Variants in WDHD1 observed in about 807,000 individuals in gnomAD.
WDHD1 encodes WD repeat and HMG-box DNA-binding protein 1.
A neutral mutation model predicts 135.4 loss-of-function variants in WDHD1; 111 were observed. That is an observed-to-expected ratio of 0.82 (90% CI 0.70 to 0.96). The LOEUF (loss-of-function observed/expected upper bound fraction) is 0.96, where lower values mean the gene tolerates loss of function less well. WDHD1 is among the 40% of genes least tolerant of loss of function. WDHD1 has a pLI of 0.00. For synonymous variants in WDHD1, 434 were observed against 439.0 expected, an observed-to-expected ratio of 0.99 and a Z score of 0.14; for missense variants, 1,351 against 1,336.3, an observed-to-expected ratio of 1.01 and a Z score of -0.17.
intron 24 of WDHD1, among the ~76,000 whole-genome samples, chr14:54,949,726 GA>G (rs2041008040): frequency 6.6e-6 from 1 of 152,004 alleles, no homozygotes; most frequent in Non-Finnish European, 1.5e-5. Flanking sequence ...TGAAATGAAA[GA>G]AAAAATGTTC....
At chr14:54,976,262 T>C (rs1346743576) in intron 16 of WDHD1, among the ~76,000 whole-genome samples, 1 of 152,084 alleles carries the variant, frequency 6.6e-6, no homozygotes, top group Non-Finnish European at 1.5e-5. Context: ...AGAGACAAAG[T>C]CTCCTTCTGT....
chr14:54,947,940 G>C (rs1167076775), intron 24 of WDHD1, among the ~76,000 whole-genome samples: 5 of 151,744 alleles, frequency 3.3e-5, no homozygotes, highest in Non-Finnish European at 7.4e-5. Flanking sequence ...ATAAGGCCAG[G>C]AGTGGTGGCT....
At chr14:54,950,525 CTT>C (rs1249418921) in intron 24 of WDHD1, among the ~76,000 whole-genome samples, 3 of 152,102 alleles carry the variant, frequency 2.0e-5, no homozygotes, top group African/African-American at 7.2e-5. Flanking sequence ...TACAAAGAGA[CTT>C]AGACTCCCAC....
rs996885502 is a variant in WDHD1, at chr14:54,939,563, T to C, written c.*1927A>G. ...TAATTTATTTCCATTTTCACTTTCA[T>C]ACTATTCAGTCCCAATTCTCTGGAA... On this transcript the variant is annotated 3_prime_UTR_variant, in exon 26 of 26. Coordinates refer to ENST00000360586, the MANE Select transcript of WDHD1 (RefSeq NM_007086.4). The C allele has an allele frequency of 7.0e-6, 1 of 142,878 alleles. No homozygotes were observed. Among genetic ancestry groups the C allele is most frequent in the African/African-American group, 2.6e-5 (1 of 38,030 alleles). The allele number at this position is 142,878 out of a possible 1,614,324, so 8.9% of individuals were successfully genotyped here.
chr14:54,945,671 G>C (rs1327366224), intron 24 of WDHD1, among the ~76,000 whole-genome samples: 1 of 152,116 alleles, frequency 6.6e-6, no homozygotes, highest in Non-Finnish European at 1.5e-5. Context: ...CTCCCAAACA[G>C]CTGGGACTAC....
At chr14:54,991,057 C>T (rs2041777136) in intron 12 of WDHD1, among the ~76,000 whole-genome samples, 156 bp downstream of exon 12, 1 of 152,134 alleles carries the variant, frequency 6.6e-6, no homozygotes, top group South Asian at 2.1e-4. Flanking sequence ...GTGAGCTAAC[C>T]ATAAAATAAA....
Position 54,955,680 on chromosome 14 carries a change from G to A in WDHD1, c.2931C>T (p.Ser977=). 6.3e-7 allele frequency: 1 copy of A among 1,576,474 alleles called. No individual in the cohort carries two copies. Among genetic ancestry groups the A allele is most frequent in the South Asian group, 1.2e-5 (1 of 84,846 alleles). The stretch of plus-strand genomic sequence containing the variant: ...TTTGAGAATTTCTTTTCTGGAAATA[G>A]GATGCTGCAGATGCCTATAAAAACA... The part of the protein sequence containing the change: ...KPKPKQASAA[S]YFQKRNSQTN... Residue 977 remains serine, a synonymous_variant, in exon 24 of 26, where the codon TCC becomes TCT. Coordinates refer to ENST00000360586, the MANE Select transcript of WDHD1 (RefSeq NM_007086.4).
intron 16 of WDHD1, among the ~76,000 whole-genome samples, chr14:54,972,326 C>T (rs2041449339): frequency 2.0e-5 from 3 of 150,118 alleles, no homozygotes. Context: ...TGTCTGTAAT[C>T]CCAGCACTTT....
chr14:54,962,466 C>A, intron 21 of WDHD1, 32 bp downstream of exon 21: 1 of 1,567,602 alleles, frequency 6.4e-7, no homozygotes. Context: ...GCAAAATTTC[C>A]TTGATATTAC....
At chr14:54,980,545 C>T (rs1050932715) in intron 16 of WDHD1, among the ~76,000 whole-genome samples, 1 of 152,010 alleles carries the variant, frequency 6.6e-6, no homozygotes, top group Non-Finnish European at 1.5e-5. Flanking sequence ...GGTACGGTGG[C>T]TCATGCCTGT....
intron 16 of WDHD1, among the ~76,000 whole-genome samples, chr14:54,975,458 TTGCCTCAGCC>T (rs1231966966): frequency 6.6e-6 from 1 of 151,984 alleles, no homozygotes; most frequent in Non-Finnish European, 1.5e-5. Flanking sequence ...AGCGATTCTC[TTGCCTCAGCC>T]TCCCAAGTAG....
intron 11 of WDHD1, among the ~76,000 whole-genome samples, chr14:54,993,727 G>A (rs1258994012): frequency 6.7e-6 from 1 of 148,612 alleles, no homozygotes; most frequent in Non-Finnish European, 1.5e-5. Flanking sequence ...TACAAAGATT[G>A]CAATGCCACT....
chr14:54,989,511 T>C (rs1379527711), intron 12 of WDHD1, among the ~76,000 whole-genome samples: 1 of 152,164 alleles, frequency 6.6e-6, no homozygotes, highest in African/African-American at 2.4e-5. Flanking sequence ...AAAAGCACAT[T>C]ACAGTTGTCC....
At chr14:54,977,435 T>C (rs1436969529) in intron 16 of WDHD1, among the ~76,000 whole-genome samples, 3 of 152,220 alleles carry the variant, frequency 2.0e-5, no homozygotes, top group Non-Finnish European at 4.4e-5. Flanking sequence ...GCTTATGTTA[T>C]CATGCCTGTA....
intron 24 of WDHD1, among the ~76,000 whole-genome samples, chr14:54,951,514 C>G (rs947102201): frequency 1.3e-5 from 2 of 152,128 alleles, no homozygotes; most frequent in Non-Finnish European, 2.9e-5. Context: ...TAATAGCCTA[C>G]CAACCAAATA....
At chr14:55,006,377 AAAGT>A (rs2042069795) in intron 7 of WDHD1, among the ~76,000 whole-genome samples, 1 of 152,118 alleles carries the variant, frequency 6.6e-6, no homozygotes, top group African/African-American at 2.4e-5. Flanking sequence ...TTTCAATTTA[AAAGT>A]AAATGCATTA....
At chr14:54,961,028 C>T (rs895732726) in intron 21 of WDHD1, among the ~76,000 whole-genome samples, 6 of 152,098 alleles carry the variant, frequency 3.9e-5, no homozygotes, top group Admixed American at 3.3e-4. Context: ...TGGTCTCAAA[C>T]GTCTGGTCTC....
chr14:54,982,448 T>C (rs764150751), intron 15 of WDHD1, among the ~76,000 whole-genome samples: 14 of 152,320 alleles, frequency 9.2e-5, no homozygotes, highest in Non-Finnish European at 1.8e-4. Flanking sequence ...CTTCTTCCTC[T>C]CTCTTCTTTT....
intron 21 of WDHD1, among the ~76,000 whole-genome samples, chr14:54,962,074 AT>A (rs1486936731): frequency 3.3e-5 from 5 of 152,120 alleles, no homozygotes; most frequent in African/African-American, 1.2e-4. Flanking sequence ...TGACCTCGTT[AT>A]CCGCCCACTC....
Sources: allele counts gnomAD v4.1 joint callset (sites outside exome capture counted in the v4.1 genomes callset), GRCh38; gene constraint gnomAD v4.1.1; transcripts MANE v1.5; gene names NCBI Gene and HGNC (gene_info 2026-07-23, HGNC 2026-07-21).